The following STAT5A variants were observed in gnomAD, a reference collection of about 807,000 sequenced individuals.
STAT5A encodes signal transducer and activator of transcription 5A, also known as epididymis secretory sperm binding protein.
In STAT5A, 26 loss-of-function variants were observed where a neutral mutation model predicts 100.2. That is an observed-to-expected ratio of 0.26 (90% CI 0.19 to 0.36). STAT5A has a LOEUF of 0.36. Ranked by LOEUF, STAT5A falls within the 10% of genes least tolerant of loss-of-function variation. The pLI is 1.00. For missense variants in STAT5A, 634 were observed against 1,027.5 expected, an observed-to-expected ratio of 0.62 and a Z score of 5.24; for synonymous variants, 330 against 424.3, an observed-to-expected ratio of 0.78 and a Z score of 2.73.
In STAT5A at chr17:42,306,225, CTT is replaced by C. The variant is rs369080770; in HGVS notation, c.1474-15_1474-14del. ...TCCCTCAATCTACCTTTTCCCCTCT[CTT>C]GTCTCCCTCTCAGGGCAGGGTGCCA... On this transcript the variant is annotated splice_polypyrimidine_tract_variant and intron_variant, in intron 12 of 18. Transcript: ENST00000590949. 92 of 1,614,048 alleles carry C rather than the reference CTT, an allele frequency of 5.7e-5. No individual in the cohort carries two copies. The highest frequency in any genetic ancestry group is 5.0e-4 in the Middle Eastern group (3 of 6,056).
intron 18 of STAT5A, 21 bp from the exon 19 acceptor site, chr17:42,310,486 A>C (rs2081069343): frequency 6.2e-7 from 1 of 1,613,472 alleles, no homozygotes; most frequent in African/African-American, 1.3e-5. Context: ...GCTCCCTCTG[A>C]CATCCCCCTG....
At chr17:42,305,234 G>A (rs1271415727) in intron 11 of STAT5A, among the ~76,000 whole-genome samples, 1 of 152,096 alleles carries the variant, frequency 6.6e-6, no homozygotes, top group African/African-American at 2.4e-5. Context: ...CATGGGTGGT[G>A]GGTCTTGCCT....
intron 5 of STAT5A, among the ~76,000 whole-genome samples, chr17:42,298,897 C>G (rs1474695832): frequency 1.3e-5 from 2 of 152,192 alleles, no homozygotes; most frequent in East Asian, 3.8e-4. Context: ...TTCGGCCTCC[C>G]TTTCCTGAGA....
chr17:42,309,268 CTT>C, intron 17 of STAT5A, 107 bp from the exon 18 acceptor site: 1 of 1,531,028 alleles, frequency 6.5e-7, no homozygotes, highest in Non-Finnish European at 9.0e-7. Flanking sequence ...GAGTGGGGCA[CTT>C]TGTCCGTCTA....
At chr17:42,302,435 AG>A (rs1323792829) in intron 9 of STAT5A, among the ~76,000 whole-genome samples, 3 of 152,076 alleles carry the variant, frequency 2.0e-5, no homozygotes, top group Non-Finnish European at 2.9e-5. Context: ...AGTGATAGGG[AG>A]GGAAGTAGCA....
chr17:42,302,834 T>C (rs916726395), intron 9 of STAT5A, among the ~76,000 whole-genome samples: 1 of 151,890 alleles, frequency 6.6e-6, no homozygotes, highest in African/African-American at 2.4e-5. Flanking sequence ...CTTGGACCTC[T>C]AGTCCTAACT....
intron 5 of STAT5A, among the ~76,000 whole-genome samples, chr17:42,298,595 C>T (rs2080943219): frequency 6.6e-6 from 1 of 152,030 alleles, no homozygotes; most frequent in East Asian, 1.9e-4. Context: ...CCTCAGCCTC[C>T]CTAGTAGCTG....
rs375185458 is a variant in STAT5A, at chr17:42,295,816, T to C, written c.550+23T>C. 6.8e-6 allele frequency: 11 copies of C among 1,612,212 alleles called. No individual in the cohort carries two copies. In the African/African-American group the frequency reaches 1.3e-4, roughly 20 times the overall value. On this transcript the variant is annotated intron_variant, in intron 5 of 18. Coordinates refer to ENST00000590949, the MANE Select transcript of STAT5A (RefSeq NM_001288718.2). ...AAGGTGAGGCGCGGTGGAGGCAGTG[T>C]GCATCCGGAGGGTGGGAGTGAGGAA...
chr17:42,301,463 GC>G lies in STAT5A; in HGVS notation c.1169+11del, dbSNP rs764641015. On this transcript the variant is annotated intron_variant, in intron 9 of 18. Transcript: ENST00000590949. ...AATGAGAACACCCGCAAGTAATTGT[GC>G]CTCTCCCTTCCCCTGCCCAAGCTTA... The G allele has an allele frequency of 1.2e-6, 2 of 1,614,046 alleles. No individual in the cohort carries two copies. Among genetic ancestry groups the G allele is most frequent in the East Asian group, 4.5e-5 (2 of 44,868 alleles).
chr17:42,302,432 G>A (rs146023084), intron 9 of STAT5A, among the ~76,000 whole-genome samples: 4 of 152,302 alleles, frequency 2.6e-5, no homozygotes, highest in Non-Finnish European at 5.9e-5. Flanking sequence ...GCTAGTGATA[G>A]GGAGGGAAGT....
At chr17:42,287,563 G>GC (rs1304429350), upstream of STAT5A, 1 of 152,428 alleles carries the variant, frequency 6.6e-6, no homozygotes, top group Non-Finnish European at 1.5e-5. Flanking sequence ...GATATTCACT[G>GC]CTGTGGCAAG....
Position 42,308,319 on chromosome 17 carries a change from A to G in STAT5A, c.2048A>G (p.Tyr683Cys), listed in dbSNP as rs766026826. 1.2e-6 allele frequency: 2 copies of G among 1,613,970 alleles called. No individual in the cohort carries two copies. Among genetic ancestry groups the G allele is most frequent in the Non-Finnish European group, 1.7e-6 (2 of 1,180,000 alleles). ...RPKDEVFSKY[Y>C]TPVLAKAVDG... is the part of the protein sequence containing the mutation. Reference sequence around the variant, plus strand: ...AAGGATGAGGTCTTCTCCAAGTACTACACTCCTGTGCTGGGTGGGTACTGC... The same window carrying G: ...AAGGATGAGGTCTTCTCCAAGTACTGCACTCCTGTGCTGGGTGGGTACTGC... Residue 683 changes from tyrosine to cysteine, a missense_variant, in exon 16 of 19, where the codon TAC becomes TGC. Coordinates refer to ENST00000590949, the MANE Select transcript of STAT5A (RefSeq NM_001288718.2). This position sits in a 1 kb window ranked among gnomAD's most constrained non-coding sequence, Gnocchi z 4.6.
At chr17:42,290,510 A>G (rs2080860094) in intron 3 of STAT5A, among the ~76,000 whole-genome samples, 1 of 152,184 alleles carries the variant, frequency 6.6e-6, no homozygotes, top group East Asian at 1.9e-4. Flanking sequence ...TTTTTGTGGA[A>G]GCAGGAAAGG....
intron 13 of STAT5A, among the ~76,000 whole-genome samples, chr17:42,307,132 G>C (rs1287716720): frequency 1.3e-5 from 2 of 152,152 alleles, no homozygotes; most frequent in Non-Finnish European, 2.9e-5. Flanking sequence ...GAATGACTTT[G>C]GAGGCCCCAT....
chr17:42,292,792 A>G (rs1339049383), intron 4 of STAT5A, among the ~76,000 whole-genome samples: 1 of 151,356 alleles, frequency 6.6e-6, no homozygotes, highest in Non-Finnish European at 1.5e-5. Context: ...ATGCCCGGCT[A>G]ATTTTTTTTG....
rs1434706212 is a variant in STAT5A, at chr17:42,301,357, G to A, written c.1072G>A (p.Gly358Arg). 2.5e-6 allele frequency: 4 copies of A among 1,614,194 alleles called. No homozygotes were observed. The highest frequency in any genetic ancestry group is 2.5e-6 in the Non-Finnish European group (3 of 1,180,032). ...AGCCACCGTACGCCTGCTGGTGGGCGGGAAGCTGAACGTGCACATGAATCC... is the reference window on the plus strand; with the variant it reads ...AGCCACCGTACGCCTGCTGGTGGGCAGGAAGCTGAACGTGCACATGAATCC... ...FAATVRLLVG[G>R]KLNVHMNPPQ... The change falls in exon 9 of 19, where the codon GGG (glycine) becomes AGG (arginine). Residue 358 changes from glycine to arginine, a missense_variant. Physicochemically the swap from Gly to Arg is moderately radical, Grantham distance 125. Coordinates refer to ENST00000590949, the MANE Select transcript of STAT5A (RefSeq NM_001288718.2).
rs769454500 is a variant in STAT5A at position 42,295,725 on chromosome 17, A to T, written c.482A>T (p.Glu161Val). ...CTGGTCACGCAGGACACAGAGAATGAGCTGAAGAAACTGCAGCAGACTCAG... is the reference window on the plus strand; with the variant it reads ...CTGGTCACGCAGGACACAGAGAATGTGCTGAAGAAACTGCAGCAGACTCAG... ...LRLVTQDTEN[E>V]LKKLQQTQEY... The change falls in exon 5 of 19, where the codon GAG (glutamate) becomes GTG (valine). Residue 161 changes from glutamate to valine, a missense_variant. By Grantham distance (121) the Glu-to-Val change is moderately radical. Coordinates refer to ENST00000590949, the MANE Select transcript of STAT5A (RefSeq NM_001288718.2). 1 of 1,613,930 alleles carries T rather than the reference A, an allele frequency of 6.2e-7. No homozygotes were observed. Among genetic ancestry groups the T allele is most frequent in the Non-Finnish European group, 8.5e-7 (1 of 1,179,938 alleles).
At chr17:42,297,528 C>T (rs1438400281) in intron 5 of STAT5A, among the ~76,000 whole-genome samples, 1 of 151,826 alleles carries the variant, frequency 6.6e-6, no homozygotes, top group Non-Finnish European at 1.5e-5. Flanking sequence ...TATTGATCTG[C>T]TTTTGCCAGG....
Position 42,311,148 on chromosome 17 carries a change from G to A in STAT5A, c.*479G>A, listed in dbSNP as rs1361656700. On this transcript the variant is annotated 3_prime_UTR_variant, in exon 19 of 19. Coordinates refer to ENST00000590949, the MANE Select transcript of STAT5A (RefSeq NM_001288718.2). ...AGAGAGTGTGTGGGTCTATGTAAAT[G>A]CATCTGTCCTCATGTGTTGATGTAA... The A allele has an allele frequency of 1.6e-5, 3 of 185,488 alleles. No individual in the cohort carries two copies. The highest frequency in any genetic ancestry group is 1.1e-4 in the Admixed American group (2 of 18,844). The allele number at this position is 185,488 out of a possible 1,614,324, so 11.5% of individuals were successfully genotyped here. A position where few individuals can be genotyped will look rare whatever the true frequency, so the allele number is the denominator to read the frequency against.
Sources: gnomAD v4.1 joint callset for allele counts (sites outside exome capture counted in the v4.1 genomes callset) on GRCh38, gnomAD v4.1.1 for gene constraint, Gnocchi (gnomAD v3.1) non-coding constraint, MANE v1.5 for transcripts, NCBI Gene and HGNC (gene_info 2026-07-23, HGNC 2026-07-21) for gene names.